Variants in STAG1 observed in about 807,000 individuals in gnomAD.
STAG1 encodes STAG1 cohesin complex component, also known as cohesin subunit SA-1.
Under a neutral mutation model 170.9 loss-of-function variants are expected in STAG1, and 26 were observed. The observed-to-expected ratio is 0.15, with a 90% confidence interval of 0.11 to 0.21. STAG1 has a LOEUF of 0.21. Ranked by LOEUF, STAG1 falls within the 10% of genes least tolerant of loss-of-function variation. The pLI is 1.00. For synonymous variants in STAG1, 514 were observed against 497.7 expected, an observed-to-expected ratio of 1.03 and a Z score of -0.44; for missense variants, 964 against 1,509.5, an observed-to-expected ratio of 0.64 and a Z score of 5.99.
At position 136,342,885 on chromosome 3, in the gene STAG1, T is replaced by C. The variant is rs189979503; in HGVS notation, c.3446+947A>G. On this transcript the variant is annotated intron_variant, in intron 30 of 33. Transcript: ENST00000383202. Reference sequence around the variant, plus strand: ...CCCTGTAGGAAGAGGGGTGGGGATATTGGTTAGGTCACCCATCTTCGGATG... The same window carrying C: ...CCCTGTAGGAAGAGGGGTGGGGATACTGGTTAGGTCACCCATCTTCGGATG... Among the ~76,000 whole-genome samples, 544 of 152,286 alleles carry C rather than the reference T, an allele frequency of 3.6e-3. 2 individuals carry two copies. Among genetic ancestry groups the C allele is most frequent in the Non-Finnish European group, 5.8e-3 (396 of 68,008 alleles).
intron 28 of STAG1, among the ~76,000 whole-genome samples, chr3:136,353,610 C>T (rs896052922): frequency 6.6e-6 from 1 of 152,188 alleles, no homozygotes; most frequent in African/African-American, 2.4e-5. Flanking sequence ...AATCTTACAT[C>T]GCTCACTGTA....
chr3:136,566,151 C>T (rs1937068146), intron 5 of STAG1, among the ~76,000 whole-genome samples: 1 of 152,088 alleles, frequency 6.6e-6, no homozygotes, highest in Admixed American at 6.6e-5. Context: ...CCCAAAATTC[C>T]TATATTAAAA....
chr3:136,667,320 G>A (rs767917036), intron 1 of STAG1, among the ~76,000 whole-genome samples: 3 of 152,122 alleles, frequency 2.0e-5, no homozygotes, highest in African/African-American at 2.4e-5. Flanking sequence ...GGCAGAGGCA[G>A]GAGGATGACT....
intron 12 of STAG1, among the ~76,000 whole-genome samples, chr3:136,471,736 A>G (rs1217046547): frequency 6.6e-6 from 1 of 152,130 alleles, no homozygotes; most frequent in Non-Finnish European, 1.5e-5. Flanking sequence ...AGACAATTTA[A>G]TTGCTTTATT....
At chr3:136,515,838 C>A (rs1015910160) in intron 7 of STAG1, among the ~76,000 whole-genome samples, 4 of 151,958 alleles carry the variant, frequency 2.6e-5, no homozygotes, top group African/African-American at 9.7e-5. Context: ...GCAGATTTCA[C>A]CAACTATTGG....
At chr3:136,459,434 T>A (rs1283794872) in intron 13 of STAG1, among the ~76,000 whole-genome samples, 1 of 152,062 alleles carries the variant, frequency 6.6e-6, no homozygotes, top group Non-Finnish European at 1.5e-5. Flanking sequence ...AACGTGCAAT[T>A]TTCAGCAATG....
intron 12 of STAG1, among the ~76,000 whole-genome samples, chr3:136,467,325 A>C (rs1030714957): frequency 3.9e-5 from 6 of 152,138 alleles, no homozygotes; most frequent in African/African-American, 9.7e-5. Flanking sequence ...TCTACCAAGC[A>C]AATGGAAAAC....
chr3:136,634,053 A>T (rs976549765), intron 1 of STAG1, among the ~76,000 whole-genome samples: 7 of 149,192 alleles, frequency 4.7e-5, no homozygotes, highest in African/African-American at 1.5e-4. Flanking sequence ...AGGCAGGAGA[A>T]TCACTTGAAC....
intron 1 of STAG1, among the ~76,000 whole-genome samples, chr3:136,718,255 T>C (rs549241447): frequency 3.3e-5 from 5 of 152,338 alleles, no homozygotes; most frequent in Admixed American, 2.0e-4. Flanking sequence ...GGTATGAGTA[T>C]AGATGAAACA....
chr3:136,723,414 C>T (rs1933431976), intron 1 of STAG1, among the ~76,000 whole-genome samples: 1 of 150,428 alleles, frequency 6.6e-6, no homozygotes, highest in East Asian at 2.0e-4. Flanking sequence ...AGCGTCTCTG[C>T]CCAGCCGCCC....
intron 3 of STAG1, among the ~76,000 whole-genome samples, chr3:136,607,269 G>A (rs1938998643): frequency 6.6e-6 from 1 of 152,140 alleles, no homozygotes; most frequent in Non-Finnish European, 1.5e-5. Flanking sequence ...CATTGAGGAA[G>A]TATTTACACA....
Position 136,604,406 on chromosome 3 carries a change from G to C in STAG1, c.200C>G (p.Ala67Gly). The C allele has an allele frequency of 6.2e-7, 1 of 1,613,664 alleles. No homozygotes were observed. Among genetic ancestry groups the C allele is most frequent in the Non-Finnish European group, 8.5e-7 (1 of 1,179,814 alleles). Reference protein sequence around the residue: ...KSRIEAGIRGAGRGRANGHPQ... With the variant: ...KSRIEAGIRGGGRGRANGHPQ... ...GTGTCCATTAGCTCTTCCACGGCCT[G>C]CTCCTCTAATTCCAGCTTCAATTCT... Residue 67 changes from alanine (A) to glycine (G), a missense_variant, in exon 4 of 34, where the codon GCA becomes GGA. Ala to Gly is a moderately conservative substitution (Grantham distance 60, BLOSUM62 0). This residue lies in a region of STAG1 where 108 missense variants were observed against 120.2 expected (regional missense o/e 0.90). Coordinates refer to ENST00000383202, the MANE Select transcript of STAG1 (RefSeq NM_005862.3).
intron 6 of STAG1, among the ~76,000 whole-genome samples, chr3:136,539,430 T>C (rs1935789565): frequency 6.6e-6 from 1 of 152,178 alleles, no homozygotes; most frequent in Non-Finnish European, 1.5e-5. Context: ...TCACGCAATT[T>C]ATCAATGTAA....
intron 1 of STAG1, among the ~76,000 whole-genome samples, chr3:136,728,096 T>C (rs1014773609): frequency 7.9e-5 from 12 of 151,890 alleles, no homozygotes; most frequent in Admixed American, 2.0e-4. Flanking sequence ...GAGGCGGAGG[T>C]TGCAGTAAGC....
At chr3:136,468,311 A>T (rs903822206) in intron 12 of STAG1, among the ~76,000 whole-genome samples, 8 of 152,210 alleles carry the variant, frequency 5.3e-5, no homozygotes, top group Non-Finnish European at 1.5e-5. Flanking sequence ...GCAATAAAAA[A>T]GGATAAAGGG....
In STAG1 at chr3:136,343,818, T is replaced by C. The variant is rs1936101809; in HGVS notation, c.3446+14A>G. The C allele has an allele frequency of 4.0e-6, 6 of 1,508,150 alleles. 1 individual carries two copies. In the South Asian group the frequency reaches 7.9e-5, roughly 20 times the overall value. The allele number at this position is 1,508,150 out of a possible 1,614,324, so 93.4% of individuals were successfully genotyped here. ...AAAGGCTTTTTGTGAAAAAGACAAA[T>C]TTTTGCTACTTACTTGTGTAAAAAG... On this transcript the variant is annotated intron_variant, in intron 30 of 33. Coordinates refer to ENST00000383202, the MANE Select transcript of STAG1 (RefSeq NM_005862.3).
chr3:136,412,501 A>C (rs890199683), intron 21 of STAG1, among the ~76,000 whole-genome samples: 2 of 152,238 alleles, frequency 1.3e-5, no homozygotes, highest in Non-Finnish European at 2.9e-5. Flanking sequence ...CTAACTACAC[A>C]GGAGAAACTT....
intron 13 of STAG1, among the ~76,000 whole-genome samples, chr3:136,454,151 G>T (rs1385383261): frequency 1.3e-5 from 2 of 152,044 alleles, no homozygotes; most frequent in Non-Finnish European, 2.9e-5. Flanking sequence ...CTGGAGTGCA[G>T]CGGCACAATC....
intron 22 of STAG1, among the ~76,000 whole-genome samples, chr3:136,398,300 T>A (rs948681662): frequency 1.3e-5 from 2 of 152,126 alleles, no homozygotes; most frequent in Admixed American, 1.3e-4. Context: ...GTATTCTTAG[T>A]AGAGATGGAG....
Sources: allele counts gnomAD v4.1 joint callset (sites outside exome capture counted in the v4.1 genomes callset), GRCh38; gene constraint gnomAD v4.1.1; regional missense constraint gnomAD v4.1.1; transcripts MANE v1.5; gene names NCBI Gene and HGNC (gene_info 2026-07-23, HGNC 2026-07-21).